Variants in SLC18A2 observed in about 807,000 individuals in gnomAD.
SLC18A2 encodes solute carrier family 18 member A2.
Under a neutral mutation model 59.2 loss-of-function variants are expected in SLC18A2, and 33 were observed. The observed-to-expected ratio is 0.56, with a 90% CI of 0.42 to 0.75. SLC18A2 has a LOEUF of 0.75. SLC18A2 is among the 30% of genes least tolerant of loss of function. The pLI, the probability that SLC18A2 is intolerant of heterozygous loss-of-function variation, is 0.00. For synonymous variants in SLC18A2, 228 were observed against 253.5 expected (o/e 0.90, Z 0.95); for missense variants, 569 against 668.6 (o/e 0.85, Z 1.64).
chr10:117,257,954 C>T (rs1844249235), intron 10 of SLC18A2, 62 bp downstream of exon 10: 1 of 1,161,400 alleles, frequency 8.6e-7, no homozygotes, highest in African/African-American at 1.5e-5. Flanking sequence ...GCCTTTGTCC[C>T]CAGGGCATCC....
At chr10:117,276,624 A>AG (rs1844494890) in intron 15 of SLC18A2, among the ~76,000 whole-genome samples, 2 of 93,070 alleles carry the variant, frequency 2.1e-5, no homozygotes, top group Non-Finnish European at 4.8e-5. Flanking sequence ...AAAAAAAAAA[A>AG]AAAAAAAAAG....
intron 2 of SLC18A2, among the ~76,000 whole-genome samples, chr10:117,243,110 C>T (rs1004666961): frequency 2.0e-5 from 3 of 150,680 alleles, no homozygotes; most frequent in Admixed American, 6.8e-5. Context: ...TTACAGATTC[C>T]CACTCATAAT....
At chr10:117,254,524 C>G in intron 6 of SLC18A2, 27 bp downstream of exon 6, 1 of 1,535,950 alleles carries the variant, frequency 6.5e-7, no homozygotes, top group African/African-American at 1.4e-5. Context: ...TGTAGGCAAA[C>G]TGGCAAGAGG....
At chr10:117,258,926 C>G (rs1844260163) in intron 10 of SLC18A2, among the ~76,000 whole-genome samples, 1 of 152,266 alleles carries the variant, frequency 6.6e-6, no homozygotes, top group Admixed American at 6.5e-5. Context: ...GCCACCACAC[C>G]TGGCTAATGA....
At chr10:117,264,290 T>G (rs1844324977) in intron 10 of SLC18A2, among the ~76,000 whole-genome samples, 2 of 152,248 alleles carry the variant, frequency 1.3e-5, no homozygotes, top group South Asian at 4.1e-4. Flanking sequence ...CCAACACTTT[T>G]CTCAGAGTCG....
Position 117,269,022 on chromosome 10 carries a change from G to A in SLC18A2, c.1187-1049G>A, listed in dbSNP as rs796618388. On this transcript the variant is annotated intron_variant, in intron 13 of 15. Transcript: ENST00000644641. This position sits in a 1 kb window ranked among gnomAD's most constrained non-coding sequence, Gnocchi z 5.1. ...AACACACATACACACACTGACACACGCATACACACACACATACACACATAC... is the reference window on the plus strand; with the variant it reads ...AACACACATACACACACTGACACACACATACACACACACATACACACATAC... Among the ~76,000 whole-genome samples, 31 of 142,744 alleles carry A rather than the reference G, an allele frequency of 2.2e-4. No individual in the cohort carries two copies. The highest frequency in any genetic ancestry group is 3.4e-4 in the African/African-American group (13 of 38,476). The allele number at this position is 142,744 out of a possible 152,430, so 93.6% of individuals were successfully genotyped here.
Position 117,277,318 on chromosome 10 carries a change from C to A in SLC18A2, c.*52C>A. 2 of 1,136,762 alleles carry A rather than the reference C, an allele frequency of 1.8e-6. No homozygotes were observed. The highest frequency in any genetic ancestry group is 1.3e-6 in the Non-Finnish European group (1 of 766,826). The allele number at this position is 1,136,762 out of a possible 1,614,324, so 70.4% of individuals were successfully genotyped here. Reference sequence around the variant, plus strand: ...TGTTTAATTGTATAAAACAGTGTTTCCAGTGACACAACTCATCCAGAACTG... The same window carrying A: ...TGTTTAATTGTATAAAACAGTGTTTACAGTGACACAACTCATCCAGAACTG... On this transcript the variant is annotated 3_prime_UTR_variant, in exon 16 of 16. Transcript: ENST00000644641.
intron 10 of SLC18A2, among the ~76,000 whole-genome samples, chr10:117,261,123 C>T (rs1201301017): frequency 1.1e-4 from 17 of 151,960 alleles, no homozygotes; most frequent in Admixed American, 4.6e-4. Flanking sequence ...TTTGGGAGGC[C>T]GAGGCAGGTG....
intron 10 of SLC18A2, among the ~76,000 whole-genome samples, chr10:117,260,179 C>G (rs4752045): frequency 0.48 from 73,355 of 152,062 alleles, 19,167 homozygotes; most frequent in Non-Finnish European, 0.58. Flanking sequence ...TTGTGTTGCC[C>G]CGGTTGCCAT....
Position 117,255,268 on chromosome 10 carries a change from T to A in SLC18A2, c.701-9T>A. 4.3e-6 allele frequency: 7 copies of A among 1,613,908 alleles called. No homozygotes were observed. The highest frequency in any genetic ancestry group is 5.9e-6 in the Non-Finnish European group (7 of 1,179,778). On this transcript the variant is annotated splice_polypyrimidine_tract_variant and intron_variant, in intron 6 of 15. Transcript: ENST00000644641. ...CCAGGGGTGGTGTCCCCACTTTCTC[T>A]CCCTGCAGTGGGCCCCCCCTTCGGG...
intron 2 of SLC18A2, among the ~76,000 whole-genome samples, chr10:117,243,677 C>A (rs996899854): frequency 3.3e-5 from 5 of 152,172 alleles, no homozygotes; most frequent in Non-Finnish European, 7.4e-5. Flanking sequence ...CTTCCACCTC[C>A]CAGGTTCAAG....
intron 2 of SLC18A2, among the ~76,000 whole-genome samples, chr10:117,242,104 C>T (rs1844062945): frequency 6.6e-6 from 1 of 152,162 alleles, no homozygotes; most frequent in Non-Finnish European, 1.5e-5. Flanking sequence ...GCTTTCACTG[C>T]GATGAAAAAG....
Position 117,277,484 on chromosome 10 carries a change from T to C in SLC18A2, c.*218T>C, listed in dbSNP as rs1844516826. ...GTTTGTATAAATAGTGTTGAAACTT[T>C]ATTTTATGTATTTAATTTTATTAAA... On this transcript the variant is annotated 3_prime_UTR_variant, in exon 16 of 16. Coordinates refer to ENST00000644641, the MANE Select transcript of SLC18A2 (RefSeq NM_003054.6). 3.3e-6 allele frequency: 1 copy of C among 303,760 alleles called. No individual in the cohort carries two copies. Among genetic ancestry groups the C allele is most frequent in the East Asian group, 5.3e-5 (1 of 18,770 alleles). The allele number at this position is 303,760 out of a possible 1,614,324, so 18.8% of individuals were successfully genotyped here. A position where few individuals can be genotyped will look rare whatever the true frequency, so the allele number is the denominator to read the frequency against.
intron 10 of SLC18A2, among the ~76,000 whole-genome samples, chr10:117,260,453 T>C (rs1844282528): frequency 6.7e-6 from 1 of 150,158 alleles, no homozygotes; most frequent in South Asian, 2.1e-4. Context: ...CCTCGTATTG[T>C]CCCTTCTCCT....
chr10:117,276,300 G>GT (rs1275685212), intron 15 of SLC18A2, among the ~76,000 whole-genome samples: 1 of 151,862 alleles, frequency 6.6e-6, no homozygotes, highest in East Asian at 1.9e-4. Flanking sequence ...ACAAAAGATT[G>GT]TAAGGGCAGC....
chr10:117,249,980 A>G (rs1844144175), intron 3 of SLC18A2, among the ~76,000 whole-genome samples: 1 of 152,154 alleles, frequency 6.6e-6, no homozygotes, highest in South Asian at 2.1e-4. Flanking sequence ...AAGGGGGGCA[A>G]CTCAGACACA....
intron 6 of SLC18A2, among the ~76,000 whole-genome samples, 199 bp from the exon 7 acceptor site, chr10:117,255,078 C>T (rs1480979786): frequency 6.6e-6 from 1 of 152,230 alleles, no homozygotes; most frequent in African/African-American, 2.4e-5. Flanking sequence ...TTATAGACTC[C>T]TGCCCATTTC....
Position 117,266,825 on chromosome 10 carries a change from A to G in SLC18A2, c.1070+14A>G, listed in dbSNP as rs1327550758. The G allele has an allele frequency of 1.9e-6, 3 of 1,603,908 alleles. No homozygotes were observed. Among genetic ancestry groups the G allele is most frequent in the Non-Finnish European group, 2.6e-6 (3 of 1,171,550 alleles). ...CAAAATGGGGAGGTAAGATGATATG[A>G]AAACAACACTCATTCTGTTACAATA... On this transcript the variant is annotated intron_variant, in intron 11 of 15. Coordinates refer to ENST00000644641, the MANE Select transcript of SLC18A2 (RefSeq NM_003054.6).
rs946982578 is a variant in SLC18A2, at chr10:117,250,441, C to T, written c.465-2958C>T. On this transcript the variant is annotated intron_variant, in intron 3 of 15. Transcript: ENST00000644641. ...TGAGTTTCCTTCTAGCTGTGATATT[C>T]GTTTATTCCATACGTGCATTGTTAA... is the stretch of plus-strand genomic sequence containing the variant. Among the ~76,000 whole-genome samples, 12 of 152,242 alleles carry T rather than the reference C, an allele frequency of 7.9e-5. No homozygotes were observed. The East Asian group carries it at 1.7e-3, about 22-fold the overall frequency.
Sources: gnomAD v4.1 joint callset for allele counts (sites outside exome capture counted in the v4.1 genomes callset) on GRCh38, gnomAD v4.1.1 for gene constraint, Gnocchi (gnomAD v3.1) non-coding constraint, MANE v1.5 for transcripts, NCBI Gene and HGNC (gene_info 2026-07-23, HGNC 2026-07-21) for gene names.